The following NEB variants were observed in gnomAD, a reference collection of about 807,000 sequenced individuals.
The protein encoded by NEB is nemaline myopathy type 2.
Under a neutral mutation model 952.2 loss-of-function variants are expected in NEB, and 512 were observed. That is an observed-to-expected ratio of 0.54 (90% CI 0.50 to 0.58). The LOEUF is 0.58. NEB is among the 20% of genes least tolerant of loss of function. The probability of loss-of-function intolerance (pLI) is 0.00; values close to 1 mark genes in which losing one functional copy is unlikely to be tolerated. For missense variants in NEB, 8,428 were observed against 9,231.1 expected, an observed-to-expected ratio of 0.91 and a Z score of 3.56; for synonymous variants, 2,900 against 3,149.8, an observed-to-expected ratio of 0.92 and a Z score of 2.66.
chr2:151,555,126 G>A, intron 124 of NEB, 82 bp from the exon 125 acceptor site: 10 of 949,290 alleles, frequency 1.1e-5, no homozygotes, highest in South Asian at 4.3e-5. Context: ...GACTTAATGG[G>A]AAAAACCCGA....
chr2:151,506,486 T>C (rs778854545), intron 163 of NEB: 8 of 503,244 alleles, frequency 1.6e-5, no homozygotes, highest in Admixed American at 3.6e-5. Context: ...GATTGTGGTA[T>C]ACCATACTAA....
At chr2:151,636,809 G>T (rs547544106) in intron 63 of NEB, among the ~76,000 whole-genome samples, 1 of 151,578 alleles carries the variant, frequency 6.6e-6, no homozygotes, top group Admixed American at 6.6e-5. Flanking sequence ...AAAAAAAAAA[G>T]ATACCCATAA....
intron 3 of NEB, among the ~76,000 whole-genome samples, chr2:151,731,253 G>T (rs2099807403): frequency 6.6e-6 from 1 of 152,096 alleles, no homozygotes; most frequent in African/African-American, 2.4e-5. Context: ...TTATTTAAAT[G>T]GTTGGCATTA....
chr2:151,570,459 GAAAA>G (rs755252809), intron 108 of NEB, 34 bp downstream of exon 108: 1 of 1,258,662 alleles, frequency 7.9e-7, no homozygotes, highest in African/African-American at 1.6e-5. Flanking sequence ...GGCATCGGCT[GAAAA>G]AAAAAAACTG....
intron 10 of NEB, among the ~76,000 whole-genome samples, chr2:151,714,250 T>C (rs1454041526): frequency 1.3e-5 from 2 of 152,174 alleles, no homozygotes; most frequent in Non-Finnish European, 2.9e-5. Context: ...TGAACCTATA[T>C]TGCAGGAGGG....
At chr2:151,492,798 G>A (rs1161241635) in intron 176 of NEB, 5 of 221,682 alleles carry the variant, frequency 2.3e-5, no homozygotes, top group Middle Eastern at 1.5e-3. Context: ...CAACATATTC[G>A]ATGGTATTTG....
intron 4 of NEB, among the ~76,000 whole-genome samples, chr2:151,728,202 TG>T (rs988240725): frequency 9.9e-5 from 15 of 152,142 alleles, no homozygotes; most frequent in East Asian, 3.9e-4. Context: ...TTCAAAGTAG[TG>T]GGGGGGAAAT....
At chr2:151,673,732 C>CT (rs10716811) in intron 36 of NEB, among the ~76,000 whole-genome samples, 1,990 of 92,790 alleles carry the variant, frequency 0.021, 30 homozygotes, top group South Asian at 0.027. Flanking sequence ...TTTTCTTTTT[C>CT]TTTTTTTTTT....
At position 151,662,299 on chromosome 2, in the gene NEB, C is replaced by T. The variant is rs997951612; in HGVS notation, c.5806G>A (p.Gly1936Arg). 1.2e-6 allele frequency: 2 copies of T among 1,613,580 alleles called. No homozygotes were observed. The highest frequency in any genetic ancestry group is 2.7e-5 in the African/African-American group (2 of 75,004). ...TCCAGGGAGCCCAGAGGGAGCCATC[C>T]AATGCCCTTCATGAAGTCAGCATAG... ...ADYADFMKGI[G>R]WLPLGSLEAE... Residue 1936 changes from glycine to arginine, a missense_variant, in exon 46 of 182, where the codon GGA becomes AGA. Physicochemically the swap from Gly to Arg is moderately radical, Grantham distance 125. Coordinates refer to ENST00000397345, the MANE Select transcript of NEB (RefSeq NM_001164508.2).
In NEB at chr2:151,663,571, T is replaced by C; in HGVS notation, c.5740A>G (p.Asn1914Asp). The change falls in exon 45 of 182, where the codon AAT (asparagine) becomes GAT (aspartate). Residue 1914 changes from asparagine to aspartate, a missense_variant. Transcript: ENST00000397345. The stretch of plus-strand genomic sequence containing the variant: ...ACATCACTTTGAATCTGCATCATAT[T>C]TTTGGCCAATTCAAAGCTCATGGCA... ...PDAMSFELAK[N>D]MMQIQSDNQY... 6.2e-7 allele frequency: 1 copy of C among 1,610,498 alleles called. No homozygotes were observed. The highest frequency in any genetic ancestry group is 8.5e-7 in the Non-Finnish European group (1 of 1,177,054).
intron 10 of NEB, among the ~76,000 whole-genome samples, chr2:151,714,368 T>C (rs1332810892): frequency 1.3e-5 from 2 of 152,196 alleles, no homozygotes; most frequent in East Asian, 1.9e-4. Context: ...TTCAAACCCA[T>C]TGAATTCTCC....
At chr2:151,648,298 T>C (rs1358173887) in intron 54 of NEB, among the ~76,000 whole-genome samples, 1 of 152,192 alleles carries the variant, frequency 6.6e-6, no homozygotes, top group Admixed American at 6.5e-5. Flanking sequence ...TTCTTTTTCC[T>C]GCACATGTTT....
intron 162 of NEB, 150 bp from the exon 163 acceptor site, chr2:151,507,163 A>T (rs116670236): frequency 3.5e-5 from 20 of 570,420 alleles, no homozygotes; most frequent in Non-Finnish European, 4.9e-5. Flanking sequence ...AAGGGAAATT[A>T]TTTGATAAGA....
In NEB at chr2:151,727,769, G is replaced by T; in HGVS notation, c.216C>A (p.Ile72=). The part of the protein sequence containing the change: ...SAKPVERRKV[I]RKKVDPSKFM... Reference sequence around the variant, plus strand: ...ACTTTGAAGGATCCACTTTCTTCCGGATGACCTTCCTCCTCTCCACCGGCT... The same window carrying T: ...ACTTTGAAGGATCCACTTTCTTCCGTATGACCTTCCTCCTCTCCACCGGCT... The change falls in exon 5 of 182, where the codon ATC becomes ATA. Residue 72 remains isoleucine, a synonymous_variant. Transcript: ENST00000397345. 6.2e-7 allele frequency: 1 copy of T among 1,613,724 alleles called. No homozygotes were observed. The highest frequency in any genetic ancestry group is 1.1e-5 in the South Asian group (1 of 91,084).
chr2:151,679,688 TAG>T, intron 32 of NEB, 31 bp downstream of exon 32: 1 of 891,760 alleles, frequency 1.1e-6, no homozygotes. Context: ...CCACATTTTC[TAG>T]TTGCCCATGT....
In NEB at chr2:151,518,363, A is replaced by T. The variant is rs2079465569; in HGVS notation, c.22755T>A (p.Asn7585Lys). The change falls in exon 156 of 182, where the codon AAT becomes AAA. Residue 7585 changes from asparagine to lysine, a missense_variant. By Grantham distance (94) the Asn-to-Lys change is moderately conservative. Coordinates refer to ENST00000397345, the MANE Select transcript of NEB (RefSeq NM_001164508.2). ...SKGHYHTIPD[N>K]LEQLHLKEAT... ...CCTCTTTTAGGTGAAGCTGCTCCAG[A>T]TTATCGGGTATGGTGTGGTAGTGGC... The T allele has an allele frequency of 6.2e-7, 1 of 1,612,490 alleles. No homozygotes were observed. Among genetic ancestry groups the T allele is most frequent in the Non-Finnish European group, 8.5e-7 (1 of 1,178,730 alleles).
intron 47 of NEB, 69 bp from the exon 48 acceptor site, chr2:151,658,159 A>C: frequency 8.7e-7 from 1 of 1,155,812 alleles, no homozygotes; most frequent in East Asian, 2.6e-5. Flanking sequence ...TAGAAGAGTA[A>C]ACTACCACTG....
Position 151,490,396 on chromosome 2 carries a change from C to A in NEB, c.25273G>T (p.Gly8425Trp). The A allele has an allele frequency of 6.3e-7, 1 of 1,592,576 alleles. No individual in the cohort carries two copies. Among genetic ancestry groups the A allele is most frequent in the Non-Finnish European group, 8.6e-7 (1 of 1,168,706 alleles). Residue 8425 changes from glycine (G) to tryptophan (W), a missense_variant, in exon 180 of 182, where the codon GGG becomes TGG. Physicochemically the swap from Gly to Trp is radical, Grantham distance 184 (BLOSUM62 -2). Transcript: ENST00000397345. ...CCTGTTGAGACTGCAAAGACACCCC[C>A]GTCGCTGTAAGTCGAAAGGTGGTGG... ...PDHHLSTYSD[G>W]GVFAVSTAYK...
In NEB at chr2:151,525,953, C is replaced by T; in HGVS notation, c.22161+5G>A. On this transcript the variant is annotated splice_donor_5th_base_variant and intron_variant, in intron 150 of 181. Coordinates refer to ENST00000397345, the MANE Select transcript of NEB (RefSeq NM_001164508.2). ...CTGCCAAGAGACCGGTGGTTGATCA[C>T]TTACATCACTGACATGCTTGGTCAC... 1 of 1,611,480 alleles carries T rather than the reference C, an allele frequency of 6.2e-7. No individual in the cohort carries two copies. Among genetic ancestry groups the T allele is most frequent in the Non-Finnish European group, 8.5e-7 (1 of 1,177,590 alleles).
Sources: gnomAD v4.1 joint callset for allele counts (sites outside exome capture counted in the v4.1 genomes callset) on GRCh38, gnomAD v4.1.1 for gene constraint, MANE v1.5 for transcripts, NCBI Gene and HGNC (gene_info 2026-07-23, HGNC 2026-07-21) for gene names.